The following SCN1A variants were observed in gnomAD, a reference collection of about 807,000 sequenced individuals.
SCN1A encodes the protein sodium channel protein type 1 subunit alpha.
In SCN1A, 13 loss-of-function variants were observed where a neutral mutation model predicts 193.7. That is an observed-to-expected ratio of 0.07 (90% CI 0.04 to 0.11). The LOEUF is 0.11. Among genes scored for constraint, SCN1A ranks in the 10% least tolerant of loss-of-function variants. SCN1A has a pLI of 1.00. For missense variants in SCN1A, 1,432 were observed against 2,451.1 expected (o/e 0.58, Z 8.78); for synonymous variants, 781 against 843.6 (o/e 0.93, Z 1.29).
intron 2 of SCN1A, chr2:166,092,548 TA>T (rs1686926215): frequency 6.6e-6 from 1 of 152,280 alleles, no homozygotes; most frequent in Non-Finnish European, 1.5e-5. Flanking sequence ...AATTGTTTCG[TA>T]CAGATGAGGT....
In SCN1A at chr2:166,052,760, T is replaced by A. The variant is rs1356398043; in HGVS notation, c.694+92A>T. The A allele has an allele frequency of 1.1e-5, 12 of 1,063,384 alleles. No homozygotes were observed. In the East Asian group the frequency reaches 3.0e-4, roughly 27 times the overall value. 65.9% of individuals were successfully genotyped at this position (1,063,384 alleles called of 1,614,324 possible). A position where few individuals can be genotyped will look rare whatever the true frequency, so the allele number is the denominator to read the frequency against. On this transcript the variant is annotated intron_variant, in intron 8 of 28. Transcript: ENST00000674923. The stretch of plus-strand genomic sequence containing the variant: ...ATTTTCTTTGAAACACCTAGTCTTA[T>A]GATTCCTGATTTTCTGTAAAACTGA...
chr2:166,141,927 G>A (rs1287224250), intron 1 of SCN1A, among the ~76,000 whole-genome samples: 1 of 55,062 alleles, frequency 1.8e-5, no homozygotes, highest in African/African-American at 1.6e-4. Context: ...TTCCAGAACA[G>A]CATAAGAAAC....
chr2:166,127,452 G>A (rs531978155), intron 1 of SCN1A, among the ~76,000 whole-genome samples: 92 of 152,264 alleles, frequency 6.0e-4, no homozygotes, highest in African/African-American at 2.1e-3. Context: ...GGATCAAAAG[G>A]GACCTTGAAT....
chr2:166,124,457 G>GA (rs557514614), intron 2 of SCN1A, among the ~76,000 whole-genome samples: 188 of 152,208 alleles, frequency 1.2e-3, no homozygotes, highest in African/African-American at 4.4e-3. Context: ...TGAGGCAGGA[G>GA]AATCACTTCA....
chr2:166,082,949 C>G (rs1478657733), intron 2 of SCN1A, among the ~76,000 whole-genome samples: 3 of 152,018 alleles, frequency 2.0e-5, no homozygotes, highest in African/African-American at 7.2e-5. Flanking sequence ...GGACATAAAC[C>G]ATCTGGGCAC....
At chr2:166,017,572 T>C (rs993713552) in intron 19 of SCN1A, among the ~76,000 whole-genome samples, 5 of 152,034 alleles carry the variant, frequency 3.3e-5, no homozygotes, top group Admixed American at 2.6e-4. Flanking sequence ...TGACCTTGAT[T>C]GGCACTATCC....
At chr2:166,112,893 C>A (rs1193039309) in intron 2 of SCN1A, among the ~76,000 whole-genome samples, 1 of 152,146 alleles carries the variant, frequency 6.6e-6, no homozygotes, top group Non-Finnish European at 1.5e-5. Flanking sequence ...CATAAAAACT[C>A]TAAATTATGG....
At chr2:166,050,641 G>T (rs1834843) in intron 9 of SCN1A, among the ~76,000 whole-genome samples, 1 of 92,922 alleles carries the variant, frequency 1.1e-5, no homozygotes, top group Admixed American at 1.2e-4. Context: ...ATATATATGT[G>T]TGTATATATT....
chr2:166,135,615 T>C (rs545934205), intron 1 of SCN1A, among the ~76,000 whole-genome samples: 2 of 152,340 alleles, frequency 1.3e-5, no homozygotes, highest in South Asian at 4.2e-4. Flanking sequence ...TGGTTACATC[T>C]TTTCTTTTTG....
chr2:166,114,165 A>G (rs1689599129), intron 2 of SCN1A, among the ~76,000 whole-genome samples: 1 of 152,192 alleles, frequency 6.6e-6, no homozygotes, highest in Admixed American at 6.5e-5. Flanking sequence ...CTCTAAGAAG[A>G]AAGTTGTTTT....
chr2:166,057,331 T>C (rs569908153), intron 5 of SCN1A, among the ~76,000 whole-genome samples: 10 of 151,922 alleles, frequency 6.6e-5, no homozygotes, highest in African/African-American at 2.4e-4. Context: ...CTAAAACAAA[T>C]GAACAGACAT....
intron 2 of SCN1A, chr2:166,081,516 A>G (rs1182446870): frequency 6.6e-6 from 1 of 151,922 alleles, no homozygotes; most frequent in Non-Finnish European, 1.5e-5. Context: ...TCTGTGAGAT[A>G]AAAAGGTGAT....
chr2:166,052,886 A>T lies in SCN1A; in HGVS notation c.660T>A (p.Val220=). 6.2e-7 allele frequency: 1 copy of T among 1,612,514 alleles called. No individual in the cohort carries two copies. Among genetic ancestry groups the T allele is most frequent in the Non-Finnish European group, 8.5e-7 (1 of 1,179,108 alleles). ...GNVSALRTFR[V]LRALKTISVI... is the part of the protein sequence containing the mutation. ...CTGAAATCGTCTTCAATGCTCGGAG[A>T]ACTCTGAATGTTCTCAATGCCGAGA... The change falls in exon 8 of 29, where the codon GTT becomes GTA. Residue 220 remains valine (V), a synonymous_variant. Transcript: ENST00000674923.
intron 4 of SCN1A, among the ~76,000 whole-genome samples, chr2:166,072,551 C>T (rs1048351011): frequency 6.6e-6 from 1 of 152,006 alleles, no homozygotes; most frequent in East Asian, 1.9e-4. Flanking sequence ...TTACAGGTAA[C>T]AAAATTTCTT....
chr2:166,016,884 A>G (rs1184173924), intron 19 of SCN1A, among the ~76,000 whole-genome samples: 1 of 151,832 alleles, frequency 6.6e-6, no homozygotes, highest in Non-Finnish European at 1.5e-5. Flanking sequence ...AGTAAAAATT[A>G]AACACAATAT....
upstream of SCN1A, among the ~76,000 whole-genome samples, chr2:166,132,907 A>G (rs192971906): frequency 3.1e-3 from 466 of 152,206 alleles, 4 homozygotes; most frequent in African/African-American, 0.011. Context: ...ACCAGTTTTT[A>G]AATCACTTGT....
intron 1 of SCN1A, among the ~76,000 whole-genome samples, chr2:166,146,993 A>C (rs1010535548): frequency 1.3e-5 from 2 of 152,166 alleles, no homozygotes; most frequent in Admixed American, 1.3e-4. Context: ...ATTTAACCAA[A>C]TTACTTCCCA....
chr2:166,134,673 A>G (rs190422852), intron 1 of SCN1A, among the ~76,000 whole-genome samples: 1 of 152,304 alleles, frequency 6.6e-6, no homozygotes, highest in Admixed American at 6.5e-5. Context: ...CAGGAAGCAA[A>G]CTATCTTGAA....
In SCN1A at chr2:166,046,798, T is replaced by C; in HGVS notation, c.1349A>G (p.Gln450Arg). The change falls in exon 12 of 29, where the codon CAG becomes CGG. Residue 450 changes from glutamine to arginine, a missense_variant. By Grantham distance (43) the Gln-to-Arg change is conservative (BLOSUM62 1). This residue lies in a region of SCN1A where 58 missense variants were observed against 103.4 expected (regional missense o/e 0.56). Transcript: ENST00000674923. ...AGCTGCCTCCTGTTGCTTTTTAAGC[T>C]GTTCAATCATCTGCTGAAATTCGGC... ...KEAEFQQMIE[Q>R]LKKQQEAAQQ... is the part of the protein sequence containing the mutation. 6.2e-7 allele frequency: 1 copy of C among 1,613,760 alleles called. No individual in the cohort carries two copies. The highest frequency in any genetic ancestry group is 1.3e-5 in the African/African-American group (1 of 75,018).
Sources: gnomAD v4.1 joint callset for allele counts (sites outside exome capture counted in the v4.1 genomes callset) on GRCh38, gnomAD v4.1.1 for gene constraint, gnomAD v4.1.1 regional missense constraint, MANE v1.5 for transcripts, NCBI Gene and HGNC (gene_info 2026-07-23, HGNC 2026-07-21) for gene names.